CENPV: variants seen among roughly 807,000 people sequenced by gnomAD.
CENPV encodes the protein nuclear protein p30.
CENPV carries 15 observed loss-of-function variants against 26.4 expected under a neutral mutation model. The ratio of observed to expected loss-of-function variants is 0.57; its 90% CI spans 0.38 to 0.88. The LOEUF is 0.88. Among genes scored for constraint, CENPV ranks in the 40% least tolerant of loss-of-function variants. The probability of loss-of-function intolerance (pLI) is 0.00; values close to 1 mark genes in which losing one functional copy is unlikely to be tolerated. For missense variants in CENPV, 336 were observed against 376.5 expected (o/e 0.89, Z 0.89); for synonymous variants, 172 against 165.5 (o/e 1.04, Z -0.30).
rs2093187576 is a variant in CENPV, at chr17:16,342,753, G to A, written c.*64C>T. ...ACATTCAGGAGCACCACCGAGGCAC[G>A]GCAGGGAGAGCAAAGTTGCTGGCCC... On this transcript the variant is annotated 3_prime_UTR_variant, in exon 5 of 5. Transcript: ENST00000299736. The A allele has an allele frequency of 3.1e-6, 5 of 1,605,028 alleles. No individual in the cohort carries two copies. Among genetic ancestry groups the A allele is most frequent in the East Asian group, 4.5e-5 (2 of 44,754 alleles).
At chr17:16,347,512 C>T (rs919917515) in intron 3 of CENPV, 18 of 126,942 alleles carry the variant, frequency 1.4e-4, no homozygotes, top group Non-Finnish European at 3.2e-4. Context: ...TGGAGATTTT[C>T]TTTCTCTCTT....
In CENPV at chr17:16,346,002, A is replaced by G. The variant is rs1243955731; in HGVS notation, c.580-1291T>C. 3.9e-5 allele frequency among the ~76,000 whole-genome samples: 6 copies of G among 152,230 alleles called. No homozygotes were observed. The East Asian group carries it at 1.2e-3, about 29-fold the overall frequency. ...GGACATGAACGGACAGTTCAGATAGAAAGAAAAATAAATCACTCTTTAGCC... is the reference window on the plus strand; with the variant it reads ...GGACATGAACGGACAGTTCAGATAGGAAGAAAAATAAATCACTCTTTAGCC... On this transcript the variant is annotated intron_variant, in intron 3 of 4. Coordinates refer to ENST00000299736, the MANE Select transcript of CENPV (RefSeq NM_181716.3).
At chr17:16,352,880 G>A (rs1420050532) in intron 1 of CENPV, 147 bp downstream of exon 1, 12 of 1,204,644 alleles carry the variant, frequency 1.0e-5, no homozygotes, top group Admixed American at 7.9e-5. Context: ...TAACCCCAGT[G>A]CTAACGGGGG....
intron 3 of CENPV, among the ~76,000 whole-genome samples, chr17:16,345,888 C>T (rs2093204485): frequency 6.6e-6 from 1 of 152,122 alleles, no homozygotes; most frequent in South Asian, 2.1e-4. Context: ...AATTTATCCA[C>T]AAAGGACAAA....
intron 3 of CENPV, 170 bp from the exon 4 acceptor site, chr17:16,344,881 C>T: frequency 3.4e-6 from 1 of 295,630 alleles, no homozygotes; most frequent in Non-Finnish European, 6.1e-6. Flanking sequence ...AAGAGATTTT[C>T]CTGCCTCAGC....
At chr17:16,348,821 G>A in intron 2 of CENPV, 136 bp from the exon 3 acceptor site, 1 of 1,464,298 alleles carries the variant, frequency 6.8e-7, no homozygotes, top group Non-Finnish European at 9.1e-7. Flanking sequence ...AGGAGCTGGG[G>A]CAAAGGCCTG....
rs368530668 is a variant in CENPV, at chr17:16,350,023, G to A, written c.417C>T (p.Tyr139=). 1.2e-6 allele frequency: 2 copies of A among 1,612,234 alleles called. No individual in the cohort carries two copies. Among genetic ancestry groups the A allele is most frequent in the East Asian group, 2.2e-5 (1 of 44,844 alleles). The stretch of plus-strand genomic sequence containing the variant: ...CTCCTGTGTGCTTCACCAGGCCCTG[G>A]TATTCACTAAATGAAACAAAAATCA... The part of the protein sequence containing the change: ...AAKLLLDTFE[Y]QGLVKHTGGC... The change falls in exon 2 of 5, where the codon TAC becomes TAT. Residue 139 remains tyrosine (Y), a synonymous_variant. Transcript: ENST00000299736.
At chr17:16,344,753 A>T in intron 3 of CENPV, 42 bp from the exon 4 acceptor site, 1 of 1,004,260 alleles carries the variant, frequency 1.0e-6, no homozygotes, top group Non-Finnish European at 1.4e-6. Context: ...TTACAAAGAG[A>T]TTTATTTATT....
In CENPV at chr17:16,342,832, G is replaced by A; in HGVS notation, c.804C>T (p.Asn268=). The A allele has an allele frequency of 1.2e-6, 2 of 1,614,106 alleles. No individual in the cohort carries two copies. Among genetic ancestry groups the A allele is most frequent in the Non-Finnish European group, 1.7e-6 (2 of 1,180,034 alleles). ...KAMKEHKTIK[N]MSKE ...AGGCAGAAGCTCACTCTTTAGACAT[G>A]TTCTTGATGGTCTTGTGCTCTTTCA... The change falls in exon 5 of 5, where the codon AAC becomes AAT. Residue 268 remains asparagine (N), a synonymous_variant. Coordinates refer to ENST00000299736, the MANE Select transcript of CENPV (RefSeq NM_181716.3).
chr17:16,352,311 CACTCGAGAT>C (rs1447667053), intron 1 of CENPV, among the ~76,000 whole-genome samples: 5 of 152,212 alleles, frequency 3.3e-5, no homozygotes, highest in African/African-American at 1.2e-4. Flanking sequence ...AAATCGCGGA[CACTCGAGAT>C]GCTCCTCGGG....
At chr17:16,352,890 G>T (rs1476994493) in intron 1 of CENPV, 137 bp downstream of exon 1, 3 of 1,260,900 alleles carry the variant, frequency 2.4e-6, no homozygotes, top group African/African-American at 1.6e-5. Context: ...GCTAACGGGG[G>T]AGCCGCGTCG....
rs747809616 is a variant in CENPV, at chr17:16,353,156, G to C, written c.281C>G (p.Pro94Arg). The C allele has an allele frequency of 4.3e-6, 6 of 1,408,136 alleles. No individual in the cohort carries two copies. Among genetic ancestry groups the C allele is most frequent in the Non-Finnish European group, 5.6e-6 (6 of 1,079,776 alleles). The allele number at this position is 1,408,136 out of a possible 1,614,324, so 87.2% of individuals were successfully genotyped here. ...ALLPPPPPPP[P>R]TPATPTSSAS... ...CGAGGACGTCGGGGTCGCGGGAGTC[G>C]GCGGCGGCGGCGGCGGTGGCGGGAG... The change falls in exon 1 of 5, where the codon CCG (proline) becomes CGG (arginine). Residue 94 changes from proline (P) to arginine (R), a missense_variant. Around this residue, in one of 2 missense-constraint regions of CENPV, gnomAD observed 181 missense variants for 148.8 expected, o/e 1.22. Coordinates refer to ENST00000299736, the MANE Select transcript of CENPV (RefSeq NM_181716.3).
chr17:16,348,672 T>A lies in CENPV; in HGVS notation c.523A>T (p.Lys175Ter), dbSNP rs773719329. ...ATGAAGTGTCTATTCTGCTTCTTCT[T>A]GCAAATGCTGCAACTACAGAAAGAC... is the stretch of plus-strand genomic sequence containing the variant. ...HIFDCNCSIC[K>*]KKQNRHFIVP... The change falls in exon 3 of 5, where the codon AAG becomes TAG. Residue 175 changes from lysine to a stop codon, truncating the protein, a stop_gained. Coordinates refer to ENST00000299736, the MANE Select transcript of CENPV (RefSeq NM_181716.3). LOFTEE classifies it high-confidence loss of function. The A allele has an allele frequency of 6.2e-7, 1 of 1,614,034 alleles. No homozygotes were observed.
intron 1 of CENPV, 54 bp downstream of exon 1, chr17:16,352,973 C>T (rs2093234099): frequency 2.0e-6 from 3 of 1,483,610 alleles, no homozygotes; most frequent in East Asian, 2.8e-5. Flanking sequence ...CCGACTCCTG[C>T]CGAGGGGGTC....
intron 1 of CENPV, 65 bp from the exon 2 acceptor site, chr17:16,350,094 T>C: frequency 6.4e-7 from 1 of 1,570,700 alleles, no homozygotes; most frequent in Non-Finnish European, 8.6e-7. Context: ...CTCTTTTTGT[T>C]GCTGAAAGAA....
chr17:16,351,289 A>G (rs968810833), intron 1 of CENPV: 1 of 152,214 alleles, frequency 6.6e-6, no homozygotes, highest in Non-Finnish European at 1.5e-5. Context: ...AATGAACATT[A>G]AGATCTGATA....
At position 16,344,725 on chromosome 17, in the gene CENPV, G is replaced by A. The variant is rs200159697; in HGVS notation, c.580-14C>T. 147 of 1,407,046 alleles carry A rather than the reference G, an allele frequency of 1.0e-4. No homozygotes were observed. The highest frequency in any genetic ancestry group is 8.4e-4 in the African/African-American group (57 of 68,150). The allele number at this position is 1,407,046 out of a possible 1,614,324, so 87.2% of individuals were successfully genotyped here. A position where few individuals can be genotyped will look rare whatever the true frequency, so the allele number is the denominator to read the frequency against. Reference sequence around the variant, plus strand: ...GTGCTCAGCTCCCTAGGTGAAAACAGACAAACGGTATTCTTTTTTACAAAG... The same window carrying A: ...GTGCTCAGCTCCCTAGGTGAAAACAAACAAACGGTATTCTTTTTTACAAAG... On this transcript the variant is annotated splice_polypyrimidine_tract_variant and intron_variant, in intron 3 of 4. Transcript: ENST00000299736.
At chr17:16,346,014 A>C (rs1479668414) in intron 3 of CENPV, among the ~76,000 whole-genome samples, 1 of 152,182 alleles carries the variant, frequency 6.6e-6, no homozygotes, top group Non-Finnish European at 1.5e-5. Context: ...AGAAAAATAA[A>C]TCACTCTTTA....
At position 16,345,429 on chromosome 17, in the gene CENPV, G is replaced by C. The variant is rs141823966; in HGVS notation, c.580-718C>G. 2.3e-3 allele frequency among the ~76,000 whole-genome samples: 344 copies of C among 151,948 alleles called. 6 individuals are homozygous for C. Among genetic ancestry groups the C allele is most frequent in the East Asian group, 0.017 (86 of 5,152 alleles). The stretch of plus-strand genomic sequence containing the variant: ...ACAAAAAAATATAAAAATTAGCCAG[G>C]TGCAGTGGCACACATCTGTAGTCCC... On this transcript the variant is annotated intron_variant, in intron 3 of 4. Coordinates refer to ENST00000299736, the MANE Select transcript of CENPV (RefSeq NM_181716.3).
Sources: allele counts gnomAD v4.1 joint callset (sites outside exome capture counted in the v4.1 genomes callset), GRCh38; gene constraint gnomAD v4.1.1; regional missense constraint gnomAD v4.1.1; transcripts MANE v1.5; gene names NCBI Gene and HGNC (gene_info 2026-07-23, HGNC 2026-07-21).